ARPP21: variants seen among roughly 807,000 people sequenced by gnomAD.
ARPP21 encodes cAMP-regulated phosphoprotein 21.
Under a neutral mutation model 113.2 loss-of-function variants are expected in ARPP21, and 69 were observed. That is an observed-to-expected ratio of 0.61 (90% confidence interval 0.50 to 0.74). The LOEUF is 0.74. Among genes scored for constraint, ARPP21 ranks in the 30% least tolerant of loss-of-function variants. The pLI is 0.00. For missense variants in ARPP21, 1,070 were observed against 1,037.4 expected, an observed-to-expected ratio of 1.03 and a Z score of -0.43; for synonymous variants, 368 against 375.5, an observed-to-expected ratio of 0.98 and a Z score of 0.23.
At chr3:35,681,585 T>C (rs370201577) in intron 2 of ARPP21, 129 bp from the exon 3 acceptor site, 3 of 579,716 alleles carry the variant, frequency 5.2e-6, no homozygotes, top group South Asian at 2.5e-5. Flanking sequence ...ATCTTGTTTT[T>C]TCCCCCTTTT....
chr3:35,726,993 C>T (rs931059484), intron 14 of ARPP21, among the ~76,000 whole-genome samples: 6 of 152,194 alleles, frequency 3.9e-5, no homozygotes, highest in Non-Finnish European at 5.9e-5. Context: ...GGGAATATGA[C>T]CACAGAGTCA....
intron 19 of ARPP21, among the ~76,000 whole-genome samples, chr3:35,778,814 T>C (rs2096454452): frequency 6.6e-6 from 1 of 152,184 alleles, no homozygotes; most frequent in Admixed American, 6.5e-5. Context: ...TGATACCCAC[T>C]TCACAAAGCA....
intron 19 of ARPP21, among the ~76,000 whole-genome samples, chr3:35,744,244 G>T (rs545363664): frequency 2.6e-5 from 4 of 152,058 alleles, no homozygotes; most frequent in Non-Finnish European, 4.4e-5. Flanking sequence ...AACCATGTCC[G>T]TACCTTTCTA....
At chr3:35,663,439 T>A (rs1708722596) in intron 1 of ARPP21, among the ~76,000 whole-genome samples, 1 of 152,188 alleles carries the variant, frequency 6.6e-6, no homozygotes, top group Non-Finnish European at 1.5e-5. Context: ...TTTTTATACT[T>A]TGAACTTTTT....
intron 11 of ARPP21, among the ~76,000 whole-genome samples, chr3:35,711,257 G>A (rs2091029075): frequency 6.6e-6 from 1 of 152,160 alleles, no homozygotes; most frequent in South Asian, 2.1e-4. Context: ...TATACTCACA[G>A]AAGGGCTTGA....
intron 1 of ARPP21, among the ~76,000 whole-genome samples, chr3:35,647,615 T>C (rs1700730267): frequency 6.6e-6 from 1 of 152,196 alleles, no homozygotes; most frequent in South Asian, 2.1e-4. Context: ...AAGTGGTGTA[T>C]CTGAATCGCA....
At chr3:35,730,355 C>T (rs1482768946) in intron 15 of ARPP21, among the ~76,000 whole-genome samples, 2 of 152,182 alleles carry the variant, frequency 1.3e-5, no homozygotes, top group African/African-American at 4.8e-5. Flanking sequence ...CAAGGCCATT[C>T]CGCAATATCT....
chr3:35,688,001 C>A, intron 6 of ARPP21, 118 bp downstream of exon 6: 1 of 897,274 alleles, frequency 1.1e-6, no homozygotes, highest in Non-Finnish European at 1.7e-6. Context: ...TGATTCTATA[C>A]GTGTACGTAT....
intron 9 of ARPP21, among the ~76,000 whole-genome samples, chr3:35,700,647 G>A (rs567062087): frequency 2.0e-5 from 3 of 151,784 alleles, no homozygotes; most frequent in East Asian, 2.0e-4. Flanking sequence ...CTCATCATCA[G>A]TTCAGTGTTG....
intron 1 of ARPP21, among the ~76,000 whole-genome samples, chr3:35,645,774 G>A (rs548441224): frequency 5.9e-5 from 9 of 151,996 alleles, no homozygotes; most frequent in African/African-American, 9.6e-5. Flanking sequence ...ACAGAAACAA[G>A]AGAAGTGGTT....
At chr3:35,701,592 G>A (rs763868823) in intron 9 of ARPP21, among the ~76,000 whole-genome samples, 3 of 151,372 alleles carry the variant, frequency 2.0e-5, no homozygotes, top group Non-Finnish European at 4.4e-5. Context: ...TCTTATCCTT[G>A]CAATCTTTCT....
In ARPP21 at chr3:35,708,998, C is replaced by A. The variant is rs2090184103; in HGVS notation, c.825C>A (p.Asp275Glu). ...QQNRMHPFRDDRRSKSIEERE... is the reference protein window; with the variant it reads ...QQNRMHPFRDERRSKSIEERE... The stretch of plus-strand genomic sequence containing the variant: ...ACAGAATGCATCCATTTAGAGATGA[C>A]AGACGAAGTAAATCAATTGAAGAGA... Residue 275 changes from aspartate (D) to glutamate (E), a missense_variant, in exon 11 of 21, where the codon GAC becomes GAA. By Grantham distance (45) the Asp-to-Glu change is conservative. Coordinates refer to ENST00000684406, the MANE Select transcript of ARPP21 (RefSeq NM_001385562.1). The A allele has an allele frequency of 2.5e-6, 4 of 1,613,520 alleles. No individual in the cohort carries two copies. The African/African-American group carries it at 5.3e-5, about 22-fold the overall frequency.
chr3:35,774,592 GAA>G (rs1475323122), intron 19 of ARPP21, among the ~76,000 whole-genome samples: 9 of 152,186 alleles, frequency 5.9e-5, no homozygotes, highest in Non-Finnish European at 1.0e-4. Context: ...GGATGATAAA[GAA>G]TGAGTTACTC....
chr3:35,792,509 C>G lies in ARPP21; in HGVS notation c.2265C>G (p.Tyr755Ter). Residue 755 changes from tyrosine (Y) to a stop codon, truncating the protein, a stop_gained, in exon 20 of 21, where the codon TAC (tyrosine) becomes TAG (stop). Transcript: ENST00000684406. LOFTEE classifies it high-confidence loss of function. Reference protein sequence around the residue: ...GTPVQSVMVSYPTMSSYQVPM... With the variant: ...GTPVQSVMVS Reference sequence around the variant, plus strand: ...CGGTGCAAAGCGTGATGGTTTCCTACCCAACAATGTCTTCTTATCAGGTGC... The same window carrying G: ...CGGTGCAAAGCGTGATGGTTTCCTAGCCAACAATGTCTTCTTATCAGGTGC... 1 of 1,614,042 alleles carries G rather than the reference C, an allele frequency of 6.2e-7. No individual in the cohort carries two copies. The highest frequency in any genetic ancestry group is 1.1e-5 in the South Asian group (1 of 91,082).
intron 1 of ARPP21, among the ~76,000 whole-genome samples, chr3:35,644,836 C>A (rs1247621100): frequency 6.6e-6 from 1 of 151,846 alleles, no homozygotes; most frequent in Non-Finnish European, 1.5e-5. Context: ...CACAGTAGAT[C>A]AATATTTTTA....
intron 15 of ARPP21, among the ~76,000 whole-genome samples, chr3:35,736,466 C>T (rs531510746): frequency 2.0e-5 from 3 of 152,092 alleles, no homozygotes; most frequent in Admixed American, 6.5e-5. Flanking sequence ...CTATAAAATA[C>T]TCCTCAAAGA....
intron 14 of ARPP21, among the ~76,000 whole-genome samples, chr3:35,726,440 C>T (rs2150396644): frequency 6.6e-6 from 1 of 152,314 alleles, no homozygotes; most frequent in East Asian, 1.9e-4. Flanking sequence ...ATGTTGATTG[C>T]TGAGCCATCC....
At chr3:35,709,744 G>A (rs2090440628) in intron 11 of ARPP21, among the ~76,000 whole-genome samples, 1 of 152,114 alleles carries the variant, frequency 6.6e-6, no homozygotes, top group South Asian at 2.1e-4. Context: ...CAAGGAAAAG[G>A]GCAAGCAACT....
intron 1 of ARPP21, among the ~76,000 whole-genome samples, chr3:35,671,398 G>T (rs2076308776): frequency 6.6e-6 from 1 of 152,160 alleles, no homozygotes; most frequent in Non-Finnish European, 1.5e-5. Flanking sequence ...AGTCTGAGGA[G>T]AGTAAGAATG....
Sources: allele counts gnomAD v4.1 joint callset (sites outside exome capture counted in the v4.1 genomes callset), GRCh38; gene constraint gnomAD v4.1.1; transcripts MANE v1.5; gene names NCBI Gene and HGNC (gene_info 2026-07-23, HGNC 2026-07-21).